DLG2: variants seen among roughly 807,000 people sequenced by gnomAD.
DLG2 encodes disks large homolog 2.
DLG2 carries 45 observed loss-of-function variants against 132.5 expected under a neutral mutation model. The ratio of observed to expected loss-of-function variants is 0.34; its 90% CI spans 0.27 to 0.44. DLG2 has a LOEUF of 0.44. Among genes scored for constraint, DLG2 ranks in the 20% least tolerant of loss-of-function variants. DLG2 has a pLI of 1.00. For missense variants in DLG2, 1,045 were observed against 1,196.9 expected (o/e 0.87, Z 1.87); for synonymous variants, 424 against 419.6 (o/e 1.01, Z -0.13).
intron 3 of DLG2, among the ~76,000 whole-genome samples, chr11:85,381,291 T>C (rs1157580925): frequency 2.0e-5 from 3 of 152,196 alleles, no homozygotes; most frequent in Non-Finnish European, 4.4e-5. Flanking sequence ...GTTAGTTCAA[T>C]GTTTAAAAAA....
At chr11:85,152,535 T>G (rs2077325447) in intron 5 of DLG2, among the ~76,000 whole-genome samples, 1 of 152,082 alleles carries the variant, frequency 6.6e-6, no homozygotes, top group Admixed American at 6.6e-5. Context: ...CCCAAAGTGC[T>G]GGGATCACCA....
intron 8 of DLG2, among the ~76,000 whole-genome samples, chr11:84,188,717 T>C (rs1193707699): frequency 6.6e-6 from 1 of 152,144 alleles, no homozygotes; most frequent in Admixed American, 6.6e-5. Context: ...CTCCCACTTC[T>C]TCAACGGGAA....
At chr11:84,475,709 G>A (rs986923647) in intron 7 of DLG2, among the ~76,000 whole-genome samples, 1 of 152,086 alleles carries the variant, frequency 6.6e-6, no homozygotes, top group East Asian at 1.9e-4. Flanking sequence ...CTGGTAAATT[G>A]TATACAAACA....
At chr11:84,072,028 C>A (rs2096765145) in intron 10 of DLG2, among the ~76,000 whole-genome samples, 1 of 152,196 alleles carries the variant, frequency 6.6e-6, no homozygotes, top group African/African-American at 2.4e-5. Flanking sequence ...AAGCCAAGTG[C>A]CTTGGCACTG....
At chr11:84,992,159 G>A (rs1199204616) in intron 6 of DLG2, among the ~76,000 whole-genome samples, 1 of 151,948 alleles carries the variant, frequency 6.6e-6, no homozygotes, top group African/African-American at 2.4e-5. Flanking sequence ...ACTTACTCAT[G>A]CGTCTTTTTC....
chr11:85,126,181 G>T (rs349076), intron 5 of DLG2, among the ~76,000 whole-genome samples: 1 of 152,038 alleles, frequency 6.6e-6, no homozygotes, highest in African/African-American at 2.4e-5. Context: ...AGATAGGGAA[G>T]GTAACACAGA....
chr11:85,581,969 G>A (rs1010593048), intron 3 of DLG2, among the ~76,000 whole-genome samples: 1 of 152,198 alleles, frequency 6.6e-6, no homozygotes, highest in Non-Finnish European at 1.5e-5. Context: ...CTGAGGAAGT[G>A]TAATAGGCAT....
At chr11:84,399,932 C>T (rs1406965055) in intron 7 of DLG2, among the ~76,000 whole-genome samples, 1 of 152,184 alleles carries the variant, frequency 6.6e-6, no homozygotes, top group Admixed American at 6.5e-5. Flanking sequence ...ACCTGTTTGT[C>T]AATATATCGA....
chr11:84,543,308 G>A (rs753045883), intron 6 of DLG2, among the ~76,000 whole-genome samples: 2 of 152,110 alleles, frequency 1.3e-5, no homozygotes, highest in Non-Finnish European at 2.9e-5. Context: ...AGGCAAGAGA[G>A]ACTACATAAT....
chr11:84,894,567 A>C (rs988728142), intron 6 of DLG2, among the ~76,000 whole-genome samples: 3 of 152,116 alleles, frequency 2.0e-5, no homozygotes, highest in Admixed American at 6.6e-5. Context: ...AAGAAAAAGA[A>C]CTCTACATTC....
At chr11:85,074,541 T>G (rs2154168686) in intron 6 of DLG2, among the ~76,000 whole-genome samples, 1 of 152,006 alleles carries the variant, frequency 6.6e-6, no homozygotes, top group Non-Finnish European at 1.5e-5. Context: ...AAAGGATTCA[T>G]CCTTATATAC....
At chr11:84,670,298 CTTCAAATTTGTTT>C (rs2099704350) in intron 6 of DLG2, among the ~76,000 whole-genome samples, 1 of 152,050 alleles carries the variant, frequency 6.6e-6, no homozygotes, top group South Asian at 2.1e-4. Flanking sequence ...TCTCTCTCTC[CTTCAAATTTGTTT>C]TTCAGAACAT....
In DLG2 at chr11:85,344,263, T is replaced by C. The variant is rs541854920; in HGVS notation, c.41-58898A>G. ...AAGGTCTTCTTATGGGGCATCTTGG[T>C]CTTAGGCCCCAGTTCTTAGCTCCTG... On this transcript the variant is annotated intron_variant, in intron 3 of 27. Coordinates refer to ENST00000376104, the MANE Select transcript of DLG2 (RefSeq NM_001142699.3). Among the ~76,000 whole-genome samples, 12 of 152,288 alleles carry C rather than the reference T, an allele frequency of 7.9e-5. No individual in the cohort carries two copies. In the East Asian group the frequency reaches 2.3e-3, roughly 29 times the overall value.
At chr11:84,703,625 T>C (rs527906755) in intron 6 of DLG2, among the ~76,000 whole-genome samples, 1 of 151,468 alleles carries the variant, frequency 6.6e-6, no homozygotes, top group African/African-American at 2.4e-5. Context: ...GATTAGTTAC[T>C]TGGGTCTCAA....
intron 6 of DLG2, among the ~76,000 whole-genome samples, chr11:84,678,310 A>T (rs953462832): frequency 5.3e-5 from 8 of 152,052 alleles, no homozygotes; most frequent in Non-Finnish European, 1.2e-4. Context: ...TGTTTTGCTT[A>T]TCATCAAAAG....
intron 9 of DLG2, among the ~76,000 whole-genome samples, chr11:84,125,889 T>C (rs971309899): frequency 6.6e-6 from 1 of 152,224 alleles, no homozygotes; most frequent in Non-Finnish European, 1.5e-5. Flanking sequence ...GATTATGGAG[T>C]AATATAATGA....
chr11:84,703,784 T>G (rs992145090), intron 6 of DLG2, among the ~76,000 whole-genome samples: 1 of 149,276 alleles, frequency 6.7e-6, no homozygotes, highest in Non-Finnish European at 1.5e-5. Context: ...ACTAGAAATG[T>G]CCATAAGAGC....
At chr11:85,438,132 G>A (rs1052767004) in intron 3 of DLG2, among the ~76,000 whole-genome samples, 1 of 152,056 alleles carries the variant, frequency 6.6e-6, no homozygotes, top group Admixed American at 6.6e-5. Flanking sequence ...ATGGGAAGGA[G>A]GTACTAGGCT....
intron 15 of DLG2, among the ~76,000 whole-genome samples, chr11:83,888,434 C>T (rs1327921990): frequency 1.3e-5 from 2 of 151,896 alleles, no homozygotes; most frequent in African/African-American, 4.8e-5. Flanking sequence ...CAAACCACTG[C>T]TCAATGAAAT....
Sources: allele counts gnomAD v4.1 joint callset (sites outside exome capture counted in the v4.1 genomes callset), GRCh38; gene constraint gnomAD v4.1.1; transcripts MANE v1.5; gene names NCBI Gene and HGNC (gene_info 2026-07-23, HGNC 2026-07-21).